The following FAT3 variants were observed in gnomAD, a reference collection of about 807,000 sequenced individuals.
The protein encoded by FAT3 is FAT atypical cadherin 3, also known as protocadherin Fat 3.
FAT3 carries 95 observed loss-of-function variants against 310.2 expected under a neutral mutation model. The observed-to-expected ratio is 0.31, with a 90% CI of 0.26 to 0.36. The LOEUF (loss-of-function observed/expected upper bound fraction) is 0.36. Among genes scored for constraint, FAT3 ranks in the 10% least tolerant of loss-of-function variants. The probability of loss-of-function intolerance (pLI) is 1.00; values close to 1 mark genes in which losing one functional copy is unlikely to be tolerated. For missense variants in FAT3, 5,408 were observed against 5,715.6 expected, an observed-to-expected ratio of 0.95 and a Z score of 1.74; for synonymous variants, 2,314 against 2,192.9, an observed-to-expected ratio of 1.06 and a Z score of -1.54.
rs1565616223 is a variant in FAT3, at chr11:92,810,050, G to C, written c.9455G>C (p.Arg3152Thr). 1 of 1,613,868 alleles carries C rather than the reference G, an allele frequency of 6.2e-7. No individual in the cohort carries two copies. The highest frequency in any genetic ancestry group is 2.2e-5 in the East Asian group (1 of 44,848). Residue 3152 changes from arginine (R) to threonine (T), a missense_variant, in exon 13 of 28, where the codon AGA (arginine) becomes ACA (threonine). Arg to Thr is a moderately conservative substitution (Grantham distance 71). This residue lies in a region of FAT3 where 4,588 missense variants were observed against 4,809.8 expected (regional missense o/e 0.95). Coordinates refer to ENST00000525166, the MANE Select transcript of FAT3 (RefSeq NM_001367949.2). ...ENTATKALLTRVQAVDPDIGI... is the reference protein window; with the variant it reads ...ENTATKALLTTVQAVDPDIGI... ...ACAGCCACCAAGGCTCTGTTGACCA[G>C]AGTTCAAGCCGTGGACCCCGACATT... is the stretch of plus-strand genomic sequence containing the variant.
intron 3 of FAT3, among the ~76,000 whole-genome samples, chr11:92,533,466 A>G (rs1442786533): frequency 6.6e-6 from 1 of 152,180 alleles, no homozygotes; most frequent in Non-Finnish European, 1.5e-5. Context: ...GGGCAACAGC[A>G]TGTGTTTTAC....
chr11:92,764,376 A>G (rs771909252), intron 5 of FAT3, among the ~76,000 whole-genome samples: 6 of 152,150 alleles, frequency 3.9e-5, no homozygotes. Flanking sequence ...CATATAGCAG[A>G]AGGGAGGAGC....
Position 92,798,637 on chromosome 11 carries a change from A to T in FAT3, c.5624A>T (p.Asp1875Val). 6.2e-7 allele frequency: 1 copy of T among 1,613,806 alleles called. No homozygotes were observed. Among genetic ancestry groups the T allele is most frequent in the Non-Finnish European group, 8.5e-7 (1 of 1,179,852 alleles). ...GTTGAAGTCAACATTGAGGTGACAG[A>T]TGTGAATGATAACCCACCTGTTTTT... ...SPVEVNIEVT[D>V]VNDNPPVFTQ... The change falls in exon 10 of 28, where the codon GAT becomes GTT. Residue 1875 changes from aspartate (D) to valine (V), a missense_variant. Physicochemically the swap from Asp to Val is radical, Grantham distance 152 (BLOSUM62 -3). Transcript: ENST00000525166.
intron 2 of FAT3, among the ~76,000 whole-genome samples, chr11:92,476,107 G>T (rs1050115630): frequency 2.6e-5 from 4 of 152,006 alleles, no homozygotes; most frequent in Non-Finnish European, 5.9e-5. Flanking sequence ...ACAAGTGTGT[G>T]CAGGGGAAGG....
chr11:92,345,941 A>G lies in FAT3; in HGVS notation c.-17-6155A>G, dbSNP rs1447379495. On this transcript the variant is annotated intron_variant, in intron 1 of 27. Transcript: ENST00000525166. The stretch of plus-strand genomic sequence containing the variant: ...CAGTGACTTTACATGGCTTTGGCTC[A>G]GTATTTCATTATATAATGTGAATAA... Among the ~76,000 whole-genome samples the G allele has an allele frequency of 2.6e-5, 4 of 152,196 alleles. No individual in the cohort carries two copies. The East Asian group carries it at 7.7e-4, about 29-fold the overall frequency.
At chr11:92,888,121 T>C (rs915227093) in intron 25 of FAT3, among the ~76,000 whole-genome samples, 1 of 152,178 alleles carries the variant, frequency 6.6e-6, no homozygotes, top group African/African-American at 2.4e-5. Flanking sequence ...GAAGCAATCA[T>C]GGAAGTAAAA....
At position 92,367,690 on chromosome 11, in the gene FAT3, G is replaced by A. The variant is rs572514587; in HGVS notation, c.3292+12286G>A. On this transcript the variant is annotated intron_variant, in intron 2 of 27. Transcript: ENST00000525166. The stretch of plus-strand genomic sequence containing the variant: ...AGACAGAAAAGCATGTAATCTAATT[G>A]TACACCATGTGGTACAACATAAATG... Among the ~76,000 whole-genome samples the A allele has an allele frequency of 1.1e-4, 17 of 152,238 alleles. No homozygotes were observed. In the South Asian group the frequency reaches 3.5e-3, roughly 32 times the overall value.
At chr11:92,676,462 A>T (rs1943291985) in intron 3 of FAT3, among the ~76,000 whole-genome samples, 1 of 152,132 alleles carries the variant, frequency 6.6e-6, no homozygotes. Flanking sequence ...AAATACAGCT[A>T]AGCCCCTCAT....
At chr11:92,786,606 A>G (rs1946900211) in intron 7 of FAT3, among the ~76,000 whole-genome samples, 2 of 152,184 alleles carry the variant, frequency 1.3e-5, no homozygotes, top group African/African-American at 4.8e-5. Flanking sequence ...ACTACATATT[A>G]TGTTGGCAAG....
chr11:92,274,716 T>A (rs1473854138), intron 1 of FAT3, among the ~76,000 whole-genome samples: 2 of 152,158 alleles, frequency 1.3e-5, no homozygotes, highest in African/African-American at 4.8e-5. Context: ...GACAGAGCTA[T>A]ATTATATTTA....
chr11:92,773,471 T>C (rs549087534), intron 6 of FAT3, among the ~76,000 whole-genome samples: 5 of 152,158 alleles, frequency 3.3e-5, no homozygotes, highest in Non-Finnish European at 7.4e-5. Context: ...TCTATAAATA[T>C]CCCAGCTTGC....
intron 2 of FAT3, among the ~76,000 whole-genome samples, chr11:92,490,217 C>T (rs905833319): frequency 2.0e-5 from 3 of 152,082 alleles, no homozygotes; most frequent in Non-Finnish European, 4.4e-5. Flanking sequence ...TGATGATAGC[C>T]ATCGGCATAA....
intron 1 of FAT3, among the ~76,000 whole-genome samples, chr11:92,236,114 C>T (rs904767885): frequency 6.6e-6 from 1 of 152,182 alleles, no homozygotes. Context: ...TTCATAAACA[C>T]CTGTGCTGTA....
chr11:92,362,376 C>G (rs1948903476), intron 2 of FAT3, among the ~76,000 whole-genome samples: 1 of 152,204 alleles, frequency 6.6e-6, no homozygotes. Context: ...AACTCTCTCC[C>G]ATTTGCCTCT....
At chr11:92,849,829 T>A (rs1479656319) in intron 19 of FAT3, among the ~76,000 whole-genome samples, 2 of 152,286 alleles carry the variant, frequency 1.3e-5, no homozygotes, top group East Asian at 3.9e-4. Context: ...GGAGATACAG[T>A]GGTGAAAGAG....
At chr11:92,759,734 T>G (rs1344443238) in intron 4 of FAT3, among the ~76,000 whole-genome samples, 1 of 152,122 alleles carries the variant, frequency 6.6e-6, no homozygotes, top group African/African-American at 2.4e-5. Flanking sequence ...GGATTTGGGT[T>G]TGTAAATCCA....
chr11:92,695,022 G>A (rs1943898913), intron 3 of FAT3, among the ~76,000 whole-genome samples: 1 of 152,144 alleles, frequency 6.6e-6, no homozygotes, highest in Non-Finnish European at 1.5e-5. Context: ...TCAGAGCGAT[G>A]TGCTGCCCTT....
intron 1 of FAT3, among the ~76,000 whole-genome samples, chr11:92,280,189 A>G (rs1363692629): frequency 6.6e-6 from 1 of 152,194 alleles, no homozygotes; most frequent in East Asian, 1.9e-4. Flanking sequence ...GATCGAAGAC[A>G]TGAGCTGAGG....
At chr11:92,840,368 A>C (rs999782329) in intron 17 of FAT3, among the ~76,000 whole-genome samples, 194 bp from the exon 18 acceptor site, 1 of 152,176 alleles carries the variant, frequency 6.6e-6, no homozygotes, top group Non-Finnish European at 1.5e-5. Flanking sequence ...GGAACATGAC[A>C]CTTACAGACA....
Sources: gnomAD v4.1 joint callset for allele counts (sites outside exome capture counted in the v4.1 genomes callset) on GRCh38, gnomAD v4.1.1 for gene constraint, gnomAD v4.1.1 regional missense constraint, MANE v1.5 for transcripts, NCBI Gene and HGNC (gene_info 2026-07-23, HGNC 2026-07-21) for gene names.